MYOM2: variants seen among roughly 807,000 people sequenced by gnomAD.
The protein encoded by MYOM2 is myomesin 2, also known as myomesin-2.
In MYOM2, 254 loss-of-function variants were observed where a neutral mutation model predicts 187.6. The ratio of observed to expected loss-of-function variants is 1.35; its 90% CI spans 1.22 to 1.50. MYOM2 has a LOEUF of 1.50. MYOM2 is among the 40% of genes most tolerant of loss of function. The pLI is 0.00. For missense variants in MYOM2, 2,796 were observed against 1,924.0 expected, an observed-to-expected ratio of 1.45 and a Z score of -8.48; for synonymous variants, 981 against 753.8, an observed-to-expected ratio of 1.30 and a Z score of -4.94.
chr8:2,127,254 C>A (rs1424807488), intron 31 of MYOM2, among the ~76,000 whole-genome samples: 1 of 152,122 alleles, frequency 6.6e-6, no homozygotes, highest in Non-Finnish European at 1.5e-5. Context: ...GTAGAGGAAA[C>A]AGAGTCCCAC....
chr8:2,049,272 G>A (rs1383991490), intron 1 of MYOM2, among the ~76,000 whole-genome samples: 1 of 152,178 alleles, frequency 6.6e-6, no homozygotes, highest in African/African-American at 2.4e-5. Flanking sequence ...AATAAGGATG[G>A]CCTTGGGGCA....
chr8:2,057,788 G>T lies in MYOM2; in HGVS notation c.560+8G>T. On this transcript the variant is annotated splice_region_variant and intron_variant, in intron 5 of 36. Coordinates refer to ENST00000262113, the MANE Select transcript of MYOM2 (RefSeq NM_003970.4). ...CACGCCCGTGGTGCAGTGGTGAGGG[G>T]CTCTGTTCCCAGGGGGTGAAGAAGT... 3 of 1,612,706 alleles carry T rather than the reference G, an allele frequency of 1.9e-6. No homozygotes were observed. Among genetic ancestry groups the T allele is most frequent in the Non-Finnish European group, 2.5e-6 (3 of 1,179,042 alleles).
intron 13 of MYOM2, among the ~76,000 whole-genome samples, chr8:2,080,252 A>C (rs78040151): frequency 0.023 from 3,508 of 152,328 alleles, 69 homozygotes; most frequent in Middle Eastern, 0.034. Context: ...ATCAGTGTGG[A>C]GCCACTGGCT....
chr8:2,096,557 G>A, intron 18 of MYOM2, 123 bp downstream of exon 18: 3 of 915,578 alleles, frequency 3.3e-6, no homozygotes. Flanking sequence ...TTAAAAAATA[G>A]CATCATGAGA....
intron 31 of MYOM2, 131 bp from the exon 32 acceptor site, chr8:2,128,996 C>T (rs1286437377): frequency 2.0e-5 from 12 of 589,660 alleles, no homozygotes; most frequent in South Asian, 6.5e-5. Context: ...TGTGGCTGGC[C>T]GACTTTATGA....
At position 2,092,410 on chromosome 8, in the gene MYOM2, G is replaced by A. The variant is rs1796337092; in HGVS notation, c.1893G>A (p.Gln631=). Residue 631 remains glutamine (Q), a synonymous_variant, in exon 16 of 37, where the codon CAG becomes CAA. Coordinates refer to ENST00000262113, the MANE Select transcript of MYOM2 (RefSeq NM_003970.4). The part of the protein sequence containing the change: ...SRNTKTSVVV[Q]WDRPKHEEDL... ...ACACCAAGACGTCGGTGGTGGTGCA[G>A]TGGGACCGACCTAAGCATGAGGAGG... The A allele has an allele frequency of 6.2e-7, 1 of 1,614,174 alleles. No homozygotes were observed. Among genetic ancestry groups the A allele is most frequent in the Non-Finnish European group, 8.5e-7 (1 of 1,180,034 alleles).
At chr8:2,076,427 T>C in intron 11 of MYOM2, 145 bp downstream of exon 11, 1 of 1,108,894 alleles carries the variant, frequency 9.0e-7, no homozygotes, top group South Asian at 1.8e-5. Flanking sequence ...GTTGTATAAG[T>C]TCCTATTTAG....
rs1188915344 is a variant in MYOM2 at position 2,092,635 on chromosome 8, G to A, written c.2003+115G>A. 5.4e-6 allele frequency: 6 copies of A among 1,116,360 alleles called. No individual in the cohort carries two copies. The East Asian group carries it at 7.8e-5, about 14-fold the overall frequency. 69.2% of individuals were successfully genotyped at this position (1,116,360 alleles called of 1,614,324 possible). A position where few individuals can be genotyped will look rare whatever the true frequency, so the allele number is the denominator to read the frequency against. ...GGCCGCAAGGCTTCTGCGTAAATGA[G>A]TCTGTCTTAGCCACACACAAGGGCT... On this transcript the variant is annotated intron_variant, in intron 16 of 36. Transcript: ENST00000262113.
chr8:2,115,653 C>G (rs1307998372), intron 25 of MYOM2, among the ~76,000 whole-genome samples: 2 of 152,180 alleles, frequency 1.3e-5, no homozygotes, highest in Non-Finnish European at 2.9e-5. Context: ...ATTTTATTTT[C>G]TCCTGTGAAT....
At chr8:2,062,207 G>A (rs540276371) in intron 6 of MYOM2, among the ~76,000 whole-genome samples, 10 of 152,348 alleles carry the variant, frequency 6.6e-5, no homozygotes, top group South Asian at 2.1e-4. Context: ...CGGGGACCCC[G>A]TGGGCCATTG....
In MYOM2 at chr8:2,144,729, C is replaced by A; in HGVS notation, c.4146C>A (p.Asp1382Glu). 6.2e-7 allele frequency: 1 copy of A among 1,614,074 alleles called. No homozygotes were observed. Among genetic ancestry groups the A allele is most frequent in the Non-Finnish European group, 8.5e-7 (1 of 1,180,026 alleles). Residue 1382 changes from aspartate (D) to glutamate (E), a missense_variant, in exon 37 of 37, where the codon GAC becomes GAA. Asp to Glu is a conservative substitution (Grantham distance 45). Transcript: ENST00000262113. ...CCGAAGTGATTTGGTTCAAGAACGA[C>A]CAGGACATCCAGCTCAGCGAGCACT... Reference protein sequence around the residue: ...PDPEVIWFKNDQDIQLSEHFS... With the variant: ...PDPEVIWFKNEQDIQLSEHFS...
chr8:2,052,406 A>G, intron 3 of MYOM2, 93 bp downstream of exon 3: 1 of 1,357,054 alleles, frequency 7.4e-7, no homozygotes, highest in South Asian at 1.6e-5. Context: ...ACCTTAGCTG[A>G]GAGGGAAGAT....
intron 17 of MYOM2, among the ~76,000 whole-genome samples, chr8:2,094,963 G>A (rs891532999): frequency 3.3e-5 from 5 of 152,132 alleles, no homozygotes; most frequent in East Asian, 1.9e-4. Flanking sequence ...AAGTCAGTGC[G>A]CATACTCAGA....
chr8:2,140,376 A>G (rs150939079), intron 32 of MYOM2, among the ~76,000 whole-genome samples: 3 of 77,410 alleles, frequency 3.9e-5, no homozygotes, highest in South Asian at 4.0e-4. Context: ...CCCGTGTCCA[A>G]TTCTTCGGAT....
rs1307781378 is a variant in MYOM2 at position 2,057,428 on chromosome 8, T to G, written c.344T>G (p.Val115Gly). The part of the protein sequence containing the change: ...LSELAHLEED[V>G]HLARSQARDK... Reference sequence around the variant, plus strand: ...GAGCTGGCCCACTTGGAGGAGGATGTCCACCTGGCACGCTCCCAGGCCCGC... The same window carrying G: ...GAGCTGGCCCACTTGGAGGAGGATGGCCACCTGGCACGCTCCCAGGCCCGC... Residue 115 changes from valine to glycine, a missense_variant, in exon 4 of 37, where the codon GTC becomes GGC. Transcript: ENST00000262113. 1 of 1,614,000 alleles carries G rather than the reference T, an allele frequency of 6.2e-7. No homozygotes were observed. Among genetic ancestry groups the G allele is most frequent in the South Asian group, 1.1e-5 (1 of 91,026 alleles).
intron 31 of MYOM2, among the ~76,000 whole-genome samples, chr8:2,127,406 G>A (rs907451885): frequency 3.3e-5 from 5 of 152,156 alleles, no homozygotes; most frequent in Non-Finnish European, 4.4e-5. Context: ...GGCTTTCTTA[G>A]CCCCGCACAG....
Position 2,144,868 on chromosome 8 carries a change from A to G in MYOM2, c.4285A>G (p.Ile1429Val). The change falls in exon 37 of 37, where the codon ATC becomes GTC. Residue 1429 changes from isoleucine (I) to valine (V), a missense_variant. Physicochemically the swap from Ile to Val is conservative, Grantham distance 29. Coordinates refer to ENST00000262113, the MANE Select transcript of MYOM2 (RefSeq NM_003970.4). The stretch of plus-strand genomic sequence containing the variant: ...CAAGAATAAGTATGGCGGGGAGAAG[A>G]TCGACGTGACAGTGAGCGTGTACAA... ...NIKNKYGGEK[I>V]DVTVSVYKHG... 2 of 1,614,098 alleles carry G rather than the reference A, an allele frequency of 1.2e-6. No individual in the cohort carries two copies. The highest frequency in any genetic ancestry group is 1.3e-5 in the African/African-American group (1 of 75,022).
chr8:2,144,525 C>T (rs1196822371), intron 36 of MYOM2, 139 bp from the exon 37 acceptor site: 3 of 859,020 alleles, frequency 3.5e-6, no homozygotes. Context: ...CGCTCATGTA[C>T]ATAAAGGCTT....
At chr8:2,127,931 A>G (rs1797714073) in intron 31 of MYOM2, 1 of 151,754 alleles carries the variant, frequency 6.6e-6, no homozygotes, top group Non-Finnish European at 1.5e-5. Flanking sequence ...AAGGAAAACA[A>G]AGAGCTTCAC....
Sources: gnomAD v4.1 joint callset for allele counts (sites outside exome capture counted in the v4.1 genomes callset) on GRCh38, gnomAD v4.1.1 for gene constraint, MANE v1.5 for transcripts, NCBI Gene and HGNC (gene_info 2026-07-23, HGNC 2026-07-21) for gene names.